TMTC3: variants seen among roughly 807,000 people sequenced by gnomAD.
TMTC3 encodes the protein protein O-mannosyl-transferase TMTC3.
TMTC3 carries 52 observed loss-of-function variants against 92.2 expected under a neutral mutation model. That is an observed-to-expected ratio of 0.56 (90% CI 0.45 to 0.71). TMTC3 has a LOEUF of 0.71. Ranked by LOEUF, TMTC3 falls within the 30% of genes least tolerant of loss-of-function variation. The pLI, the probability that TMTC3 is intolerant of heterozygous loss-of-function variation, is 0.00. For synonymous variants in TMTC3, 339 were observed against 363.3 expected (o/e 0.93, Z 0.76); for missense variants, 896 against 1,057.1 (o/e 0.85, Z 2.11).
Position 88,195,841 on chromosome 12 carries a change from T to C in TMTC3, c.*192T>C, listed in dbSNP as rs1210571795. ...GGATGTATATTATGTATCGCTGTTT[T>C]CAGAGTGTGGGTGAATATAGCAGAA... On this transcript the variant is annotated 3_prime_UTR_variant, in exon 14 of 14. Transcript: ENST00000266712. The C allele has an allele frequency of 4.6e-6, 2 of 433,724 alleles. No individual in the cohort carries two copies. The highest frequency in any genetic ancestry group is 4.0e-5 in the Admixed American group (1 of 24,960). 26.9% of individuals were successfully genotyped at this position (433,724 alleles called of 1,614,324 possible). A position where few individuals can be genotyped will look rare whatever the true frequency, so the allele number is the denominator to read the frequency against.
At position 88,195,003 on chromosome 12, in the gene TMTC3, A is replaced by T. The variant is rs749133863; in HGVS notation, c.2099A>T (p.Asp700Val). The change falls in exon 14 of 14, where the codon GAC becomes GTC. Residue 700 changes from aspartate to valine, a missense_variant. Asp to Val is a radical substitution (Grantham distance 152). Coordinates refer to ENST00000266712, the MANE Select transcript of TMTC3 (RefSeq NM_181783.4). ...AAGAAAGCCATAAAGTTACAAGCCG[A>T]CTTCCGAAGTGCTTTGTTTAATCTG... Reference protein sequence around the residue: ...WMKKAIKLQADFRSALFNLAL... With the variant: ...WMKKAIKLQAVFRSALFNLAL... 2 of 1,613,760 alleles carry T rather than the reference A, an allele frequency of 1.2e-6. No individual in the cohort carries two copies. Among genetic ancestry groups the T allele is most frequent in the Non-Finnish European group, 1.7e-6 (2 of 1,179,918 alleles).
At chr12:88,155,514 G>A (rs1014016064) in intron 4 of TMTC3, among the ~76,000 whole-genome samples, 1 of 152,158 alleles carries the variant, frequency 6.6e-6, no homozygotes, top group African/African-American at 2.4e-5. Flanking sequence ...TGCCCTAGCT[G>A]TCTTCACTAT....
At chr12:88,183,349 G>A (rs568583902) in intron 10 of TMTC3, among the ~76,000 whole-genome samples, 30 of 152,270 alleles carry the variant, frequency 2.0e-4, no homozygotes, top group Non-Finnish European at 3.5e-4. Flanking sequence ...TATAAGTGCC[G>A]AAAGTAATGA....
chr12:88,195,812 C>CA lies in TMTC3; in HGVS notation c.*163_*164insA, dbSNP rs2041505992. On this transcript the variant is annotated 3_prime_UTR_variant, in exon 14 of 14. Transcript: ENST00000266712. Reference sequence around the variant, plus strand: ...GATTTTCATTAAAGACCTGTATTATCCCAGGATGTATATTATGTATCGCTG... The same window carrying CA: ...GATTTTCATTAAAGACCTGTATTATCACCAGGATGTATATTATGTATCGCTG... The CA allele has an allele frequency of 1.8e-6, 1 of 552,616 alleles. No individual in the cohort carries two copies. The highest frequency in any genetic ancestry group is 3.1e-6 in the Non-Finnish European group (1 of 320,880). The allele number at this position is 552,616 out of a possible 1,614,324, so 34.2% of individuals were successfully genotyped here.
At chr12:88,184,936 C>T (rs1348245938) in intron 10 of TMTC3, among the ~76,000 whole-genome samples, 5 of 152,126 alleles carry the variant, frequency 3.3e-5, no homozygotes, top group Admixed American at 1.3e-4. Context: ...GAGCAACCTT[C>T]GCACATATAC....
intron 1 of TMTC3, among the ~76,000 whole-genome samples, chr12:88,142,943 C>T (rs990469997): frequency 6.6e-5 from 10 of 152,166 alleles, no homozygotes; most frequent in African/African-American, 2.2e-4. Flanking sequence ...CAAGGACTCA[C>T]CTGTACTATT....
intron 2 of TMTC3, among the ~76,000 whole-genome samples, chr12:88,151,884 C>T (rs1342438890): frequency 2.0e-5 from 3 of 152,118 alleles, no homozygotes; most frequent in East Asian, 1.9e-4. Flanking sequence ...ATTAGGCAAG[C>T]AGGAAAGAAC....
chr12:88,177,692 A>G (rs1428352775), intron 10 of TMTC3, among the ~76,000 whole-genome samples: 1 of 152,204 alleles, frequency 6.6e-6, no homozygotes. Context: ...ACCAAATGCC[A>G]TCATTATTTT....
chr12:88,154,326 TA>T lies in TMTC3; in HGVS notation c.448del (p.Ile150SerfsTer4). The T allele has an allele frequency of 6.2e-7, 1 of 1,609,258 alleles. No homozygotes were observed. Among genetic ancestry groups the T allele is most frequent in the Non-Finnish European group, 8.5e-7 (1 of 1,178,680 alleles). On this transcript the variant is annotated frameshift_variant, in exon 4 of 14. Coordinates refer to ENST00000266712, the MANE Select transcript of TMTC3 (RefSeq NM_181783.4). LOFTEE classifies it high-confidence loss of function. The part of the protein sequence containing the change: ...VVGRAELLSS[I>X]FFLAAFLSYT... ...TTGGAAGAGCAGAACTTTTGTCATCTATCTTTTTTCTAGCAGCTTTTTTGTC... is the reference window on the plus strand; with the variant it reads ...TTGGAAGAGCAGAACTTTTGTCATCTTCTTTTTTCTAGCAGCTTTTTTGTC...
At chr12:88,184,760 T>TA (rs1166868015) in intron 10 of TMTC3, among the ~76,000 whole-genome samples, 4 of 151,844 alleles carry the variant, frequency 2.6e-5, no homozygotes, top group Admixed American at 1.3e-4. Context: ...AGTAAACAAA[T>TA]ACACACCACA....
chr12:88,192,963 T>C, intron 13 of TMTC3, 133 bp downstream of exon 13: 1 of 632,970 alleles, frequency 1.6e-6, no homozygotes, highest in Admixed American at 3.4e-5. Flanking sequence ...CTTAACTGAT[T>C]TATAGAAAGA....
chr12:88,156,000 C>G (rs2138372822), intron 4 of TMTC3, among the ~76,000 whole-genome samples: 1 of 152,150 alleles, frequency 6.6e-6, no homozygotes, highest in South Asian at 2.1e-4. Context: ...GTCCCACCTA[C>G]CCGGAAGAAT....
chr12:88,176,083 T>C, intron 9 of TMTC3, 125 bp from the exon 10 acceptor site: 1 of 640,156 alleles, frequency 1.6e-6, no homozygotes, highest in Non-Finnish European at 2.6e-6. Flanking sequence ...ATTTGACTCC[T>C]GTGTCATCCC....
intron 8 of TMTC3, chr12:88,173,031 T>A: frequency 7.5e-7 from 1 of 1,341,728 alleles, no homozygotes; most frequent in Non-Finnish European, 9.8e-7. Context: ...GAATAAAGTC[T>A]CAAATGACCA....
In TMTC3 at chr12:88,166,330, G is replaced by C. The variant is rs1483051987; in HGVS notation, c.798G>C (p.Arg266Ser). 1 of 1,612,368 alleles carries C rather than the reference G, an allele frequency of 6.2e-7. No individual in the cohort carries two copies. Among genetic ancestry groups the C allele is most frequent in the Non-Finnish European group, 8.5e-7 (1 of 1,179,412 alleles). Residue 266 changes from arginine (R) to serine (S), a missense_variant and splice_region_variant, in exon 7 of 14, where the codon AGG (arginine) becomes AGC (serine). Coordinates refer to ENST00000266712, the MANE Select transcript of TMTC3 (RefSeq NM_181783.4). ...ATCTTTTTTTTAATCCTTTATACAG[G>C]TTTGATAACCCAGCTGCTGTAAGCC... Reference protein sequence around the residue: ...VIQSQLPVFTRFDNPAAVSPT... With the variant: ...VIQSQLPVFTSFDNPAAVSPT...
At position 88,169,302 on chromosome 12, in the gene TMTC3, G is replaced by A. The variant is rs533279160; in HGVS notation, c.1050+2720G>A. 9.9e-5 allele frequency among the ~76,000 whole-genome samples: 15 copies of A among 151,992 alleles called. No homozygotes were observed. In the South Asian group the frequency reaches 2.5e-3, roughly 25 times the overall value. On this transcript the variant is annotated intron_variant, in intron 7 of 13. Transcript: ENST00000266712. ...GTAAATACAGACAAAAGAAATAAAC[G>A]GTAGAATACATCTAAAGCTGGAGTT...
chr12:88,146,439 G>T (rs2040874560), intron 1 of TMTC3, among the ~76,000 whole-genome samples: 1 of 151,898 alleles, frequency 6.6e-6, no homozygotes, highest in East Asian at 1.9e-4. Context: ...ACCTATTAGA[G>T]GATGTGTTAA....
chr12:88,166,407 G>T lies in TMTC3; in HGVS notation c.875G>T (p.Trp292Leu), dbSNP rs2041144253. The T allele has an allele frequency of 6.2e-7, 1 of 1,613,730 alleles. No individual in the cohort carries two copies. Among genetic ancestry groups the T allele is most frequent in the Non-Finnish European group, 8.5e-7 (1 of 1,179,880 alleles). Residue 292 changes from tryptophan to leucine, a missense_variant, in exon 7 of 14, where the codon TGG becomes TTG. Transcript: ENST00000266712. ...TFNYLLPVNAWLLLNPSELCC... is the reference protein window; with the variant it reads ...TFNYLLPVNALLLLNPSELCC... ...AACTACCTCCTTCCTGTGAATGCTTGGTTGTTATTAAATCCTTCAGAGCTC... is the reference window on the plus strand; with the variant it reads ...AACTACCTCCTTCCTGTGAATGCTTTGTTGTTATTAAATCCTTCAGAGCTC...
intron 10 of TMTC3, among the ~76,000 whole-genome samples, chr12:88,177,973 G>A (rs1293229827): frequency 6.6e-6 from 1 of 152,038 alleles, no homozygotes; most frequent in East Asian, 1.9e-4. Flanking sequence ...AGGGAGCCAG[G>A]GTCTGTGATC....
Sources: allele counts gnomAD v4.1 joint callset (sites outside exome capture counted in the v4.1 genomes callset), GRCh38; gene constraint gnomAD v4.1.1; transcripts MANE v1.5; gene names NCBI Gene and HGNC (gene_info 2026-07-23, HGNC 2026-07-21).